LHPP: variants seen among roughly 807,000 people sequenced by gnomAD.
The protein encoded by LHPP is phospholysine phosphohistidine inorganic pyrophosphate phosphatase.
LHPP carries 24 observed loss-of-function variants against 30.3 expected under a neutral mutation model. The ratio of observed to expected loss-of-function variants is 0.79; its 90% confidence interval spans 0.57 to 1.11. The LOEUF is 1.11. LHPP is among the 50% of genes most tolerant of loss of function. The pLI, the probability that LHPP is intolerant of heterozygous loss-of-function variation, is 0.00. For synonymous variants in LHPP, 150 were observed against 157.1 expected, an observed-to-expected ratio of 0.95 and a Z score of 0.34; for missense variants, 356 against 367.2, an observed-to-expected ratio of 0.97 and a Z score of 0.25.
chr10:124,526,154 G>A (rs996098477), intron 6 of LHPP: 14 of 984,878 alleles, frequency 1.4e-5, no homozygotes, highest in South Asian at 4.7e-5. Context: ...CCCTAGAGCC[G>A]CTCAACACGT....
chr10:124,550,416 C>T lies in LHPP; in HGVS notation c.716+33145C>T, dbSNP rs371264126. Among the ~76,000 whole-genome samples the T allele has an allele frequency of 4.9e-4, 75 of 152,340 alleles. 1 individual carries two copies. In the South Asian group the frequency reaches 0.014, roughly 28 times the overall value. ...GAGGGCCTGTCCTCCTTTGCGCCCA[C>T]GCTGCCCCTGCGCCTTGTGGCACTG... On this transcript the variant is annotated intron_variant, in intron 6 of 6. Coordinates refer to ENST00000368842, the MANE Select transcript of LHPP (RefSeq NM_022126.4).
chr10:124,486,429 G>A (rs1409243162), intron 2 of LHPP, among the ~76,000 whole-genome samples: 1 of 152,210 alleles, frequency 6.6e-6, no homozygotes, highest in Non-Finnish European at 1.5e-5. Flanking sequence ...AGGACTCACA[G>A]AACTTAGAAA....
intron 6 of LHPP, among the ~76,000 whole-genome samples, chr10:124,534,803 C>T (rs1215367643): frequency 3.3e-5 from 5 of 152,076 alleles, no homozygotes; most frequent in African/African-American, 4.8e-5. Context: ...TTGGCTGACA[C>T]GAGGTGGAGA....
intron 1 of LHPP, among the ~76,000 whole-genome samples, chr10:124,465,961 G>A (rs1272677668): frequency 6.6e-6 from 1 of 152,162 alleles, no homozygotes; most frequent in Non-Finnish European, 1.5e-5. Flanking sequence ...CTCTGTGAGA[G>A]TTTGTGGAAA....
At chr10:124,489,481 G>T (rs1039108352) in intron 3 of LHPP, among the ~76,000 whole-genome samples, 1 of 152,120 alleles carries the variant, frequency 6.6e-6, no homozygotes, top group Non-Finnish European at 1.5e-5. Context: ...TTAAGACTGA[G>T]TCTCGCTCTG....
intron 6 of LHPP, among the ~76,000 whole-genome samples, chr10:124,579,191 G>T (rs994906994): frequency 2.0e-5 from 3 of 152,230 alleles, no homozygotes; most frequent in Admixed American, 2.0e-4. Context: ...AACATCTCCC[G>T]GGCCGAGCGT....
intron 1 of LHPP, among the ~76,000 whole-genome samples, chr10:124,482,953 G>T (rs10901688): frequency 0.14 from 20,761 of 152,188 alleles, 1,822 homozygotes; most frequent in Non-Finnish European, 0.19. Flanking sequence ...CCATGCTCAC[G>T]ACTACAGCTC....
chr10:124,522,723 G>GC (rs61278158), intron 6 of LHPP, among the ~76,000 whole-genome samples: 2,683 of 143,150 alleles, frequency 0.019, 31 homozygotes, highest in African/African-American at 0.032. Flanking sequence ...TGCTGCCCAC[G>GC]CCCCCCCCCA....
At chr10:124,498,228 G>T in intron 5 of LHPP, 100 bp downstream of exon 5, 2 of 1,488,402 alleles carry the variant, frequency 1.3e-6, no homozygotes, top group Admixed American at 3.5e-5. Context: ...CTGTGGGGTT[G>T]GCCAGGCAGC....
intron 6 of LHPP, among the ~76,000 whole-genome samples, chr10:124,584,234 G>T (rs577131223): frequency 6.6e-6 from 1 of 151,590 alleles, no homozygotes; most frequent in Non-Finnish European, 1.5e-5. Flanking sequence ...GCATGGTGGC[G>T]TGCACCTGTA....
rs1221054773 is a variant in LHPP at position 124,564,147 on chromosome 10, G to A, written c.716+46876G>A. Among the ~76,000 whole-genome samples, 10 of 149,526 alleles carry A rather than the reference G, an allele frequency of 6.7e-5. No individual in the cohort carries two copies. The East Asian group carries it at 7.9e-4, about 12-fold the overall frequency. ...AAAATTTTTTTTTTTTTTTTGAGAC[G>A]GAGTCTCGCTCTGTCACCCAGGCTG... On this transcript the variant is annotated intron_variant, in intron 6 of 6. Coordinates refer to ENST00000368842, the MANE Select transcript of LHPP (RefSeq NM_022126.4).
At position 124,462,879 on chromosome 10, in the gene LHPP, T is replaced by C. The variant is rs572811742; in HGVS notation, c.125+892T>C. Reference sequence around the variant, plus strand: ...TGCCCAGTTACTTTTTTTATTTGTTTTGTTTGAGACGGAGTTTTGCTCTTG... The same window carrying C: ...TGCCCAGTTACTTTTTTTATTTGTTCTGTTTGAGACGGAGTTTTGCTCTTG... On this transcript the variant is annotated intron_variant, in intron 1 of 6. Coordinates refer to ENST00000368842, the MANE Select transcript of LHPP (RefSeq NM_022126.4). 2.0e-5 allele frequency among the ~76,000 whole-genome samples: 3 copies of C among 152,262 alleles called. No individual in the cohort carries two copies. In the East Asian group the frequency reaches 5.8e-4, roughly 29 times the overall value.
At chr10:124,488,138 A>G (rs1465047267) in intron 2 of LHPP, among the ~76,000 whole-genome samples, 1 of 152,150 alleles carries the variant, frequency 6.6e-6, no homozygotes, top group Non-Finnish European at 1.5e-5. Context: ...CCTGCCTGCG[A>G]TAGTGACCTC....
At chr10:124,540,480 T>C (rs1287829919) in intron 6 of LHPP, among the ~76,000 whole-genome samples, 1 of 152,220 alleles carries the variant, frequency 6.6e-6, no homozygotes, top group Non-Finnish European at 1.5e-5. Flanking sequence ...TCAGTTTCCC[T>C]TTCCCCGAGC....
intron 6 of LHPP, among the ~76,000 whole-genome samples, chr10:124,602,311 C>T (rs890514736): frequency 6.6e-6 from 1 of 152,242 alleles, no homozygotes; most frequent in Non-Finnish European, 1.5e-5. Context: ...CCCCATGGCG[C>T]GCTGTGCAGA....
At chr10:124,544,714 C>T (rs1299335202) in intron 6 of LHPP, among the ~76,000 whole-genome samples, 3 of 152,182 alleles carry the variant, frequency 2.0e-5, no homozygotes, top group Non-Finnish European at 4.4e-5. Context: ...GGCCGGGCCT[C>T]GGTGTTCTCG....
At chr10:124,525,869 C>G (rs1186956052) in intron 6 of LHPP, among the ~76,000 whole-genome samples, 1 of 152,194 alleles carries the variant, frequency 6.6e-6, no homozygotes, top group Admixed American at 6.5e-5. Flanking sequence ...AAACCTGAAC[C>G]CCCCTGCTGG....
chr10:124,560,964 G>A (rs149024767), intron 6 of LHPP, among the ~76,000 whole-genome samples: 201 of 152,244 alleles, frequency 1.3e-3, no homozygotes, highest in Non-Finnish European at 2.2e-3. Flanking sequence ...AACCCTGGAC[G>A]TCAGTTATGA....
intron 6 of LHPP, among the ~76,000 whole-genome samples, chr10:124,612,267 G>A (rs370554137): frequency 1.6e-4 from 24 of 152,280 alleles, no homozygotes; most frequent in African/African-American, 4.1e-4. Flanking sequence ...AAAGCCGGGC[G>A]TGGTGGCGGG....
Sources: gnomAD v4.1 joint callset for allele counts (sites outside exome capture counted in the v4.1 genomes callset) on GRCh38, gnomAD v4.1.1 for gene constraint, MANE v1.5 for transcripts, NCBI Gene and HGNC (gene_info 2026-07-23, HGNC 2026-07-21) for gene names.